Variants in KIAA0586 observed in about 807,000 individuals in gnomAD.
KIAA0586 encodes KIAA0586.
Under a neutral mutation model 169.8 loss-of-function variants are expected in KIAA0586, and 144 were observed. The observed-to-expected ratio is 0.85, with a 90% confidence interval of 0.74 to 0.97. KIAA0586 has a LOEUF of 0.97. Ranked by LOEUF, KIAA0586 falls within the 50% of genes least tolerant of loss-of-function variation. The pLI is 0.00. For synonymous variants in KIAA0586, 625 were observed against 612.4 expected (o/e 1.02, Z -0.30); for missense variants, 1,854 against 1,823.0 (o/e 1.02, Z -0.31).
intron 29 of KIAA0586, chr14:58,536,890 A>G: frequency 4.0e-6 from 1 of 252,602 alleles, no homozygotes; most frequent in Middle Eastern, 1.0e-3. Context: ...ATTTCTAGTC[A>G]GCATTGCTCA....
chr14:58,460,839 G>C (rs553775708), intron 13 of KIAA0586, 147 bp from the exon 14 acceptor site: 7 of 472,242 alleles, frequency 1.5e-5, no homozygotes, highest in Non-Finnish European at 2.5e-5. Context: ...CTGTTATCTA[G>C]AATTTAAGGG....
intron 29 of KIAA0586, among the ~76,000 whole-genome samples, chr14:58,512,921 A>C (rs1028976018): frequency 2.6e-5 from 4 of 152,026 alleles, no homozygotes; most frequent in Non-Finnish European, 5.9e-5. Context: ...TTTTATCTGT[A>C]TATAGGTCTG....
At chr14:58,459,805 T>C in intron 12 of KIAA0586, 38 bp from the exon 13 acceptor site, 2 of 1,115,972 alleles carry the variant, frequency 1.8e-6, no homozygotes, top group East Asian at 2.6e-5. Context: ...TTACTATTTG[T>C]AGACATTTTA....
upstream of KIAA0586, chr14:58,427,717 A>T (rs1420811620): frequency 2.0e-6 from 3 of 1,534,816 alleles, no homozygotes; most frequent in Non-Finnish European, 2.6e-6. Flanking sequence ...CGGGCAACTG[A>T]CGCTGTTGTC....
At chr14:58,557,719 A>C in the KIAA0586 span, among the ~76,000 whole-genome samples, 2 of 152,040 alleles carry the variant, frequency 1.3e-5, no homozygotes, top group African/African-American at 4.8e-5. Flanking sequence ...TCTCTCAGCC[A>C]AATTAATGCT....
chr14:58,501,291 A>G (rs1045225862), intron 27 of KIAA0586, among the ~76,000 whole-genome samples: 3 of 152,246 alleles, frequency 2.0e-5, no homozygotes, highest in Non-Finnish European at 4.4e-5. Context: ...CATTTTGTAC[A>G]CATAATGAGA....
At chr14:58,436,206 G>A (rs2037810217) in intron 4 of KIAA0586, among the ~76,000 whole-genome samples, 1 of 152,132 alleles carries the variant, frequency 6.6e-6, no homozygotes, top group African/African-American at 2.4e-5. Context: ...GTTATAATTT[G>A]TAGAAAATAT....
intron 24 of KIAA0586, 121 bp downstream of exon 24, chr14:58,488,995 AT>A: frequency 9.1e-7 from 1 of 1,101,944 alleles, no homozygotes; most frequent in South Asian, 1.6e-5. Flanking sequence ...AGTAGAAAGA[AT>A]AGGGGACTCA....
intron 4 of KIAA0586, among the ~76,000 whole-genome samples, chr14:58,441,664 C>T (rs767841691): frequency 2.6e-5 from 4 of 152,178 alleles, no homozygotes; most frequent in African/African-American, 7.2e-5. Flanking sequence ...GACAGAGTCT[C>T]GCTGTGTCAC....
At position 58,428,164 on chromosome 14, in the gene KIAA0586, AAC is replaced by A. The variant is rs1389105574; in HGVS notation, c.-99_-98del. The A allele has an allele frequency of 1.3e-6, 2 of 1,491,090 alleles. No homozygotes were observed. Among genetic ancestry groups the A allele is most frequent in the Non-Finnish European group, 1.8e-6 (2 of 1,123,652 alleles). 92.4% of individuals were successfully genotyped at this position (1,491,090 alleles called of 1,614,324 possible). On this transcript the variant is annotated 5_prime_UTR_variant, in exon 1 of 31. An upstream open reading frame in the 5' UTR loses its in-frame stop. Coordinates refer to ENST00000652326, the MANE Select transcript of KIAA0586 (RefSeq NM_001329943.3). ...CTTTGTGGATGTTCGACATTTTAAA[AAC>A]AGTTATTGCAAAGAGGTGAAAATTT...
At chr14:58,445,801 T>TTTG (rs2038842978) in intron 6 of KIAA0586, among the ~76,000 whole-genome samples, 2 of 150,130 alleles carry the variant, frequency 1.3e-5, no homozygotes, top group Admixed American at 6.7e-5. Flanking sequence ...TTTTTTTTTT[T>TTTG]GAGTGAGTGA....
intron 21 of KIAA0586, 141 bp downstream of exon 21, chr14:58,482,853 C>T (rs2042131869): frequency 1.7e-6 from 1 of 604,304 alleles, no homozygotes; most frequent in Non-Finnish European, 2.5e-6. Context: ...CCTGGCTGGT[C>T]TTGAAGTTCT....
intron 30 of KIAA0586, among the ~76,000 whole-genome samples, chr14:58,547,034 CATT>C (rs1342203078): frequency 6.6e-6 from 1 of 151,926 alleles, no homozygotes; most frequent in African/African-American, 2.4e-5. Flanking sequence ...CTCAGTAAAT[CATT>C]ATTAATGACA....
intron 14 of KIAA0586, among the ~76,000 whole-genome samples, chr14:58,464,877 A>C (rs2040615753): frequency 6.6e-6 from 1 of 152,126 alleles, no homozygotes; most frequent in South Asian, 2.1e-4. Flanking sequence ...GGACGGCATG[A>C]GATTTTATCG....
At chr14:58,483,632 T>C (rs1191606469) in intron 21 of KIAA0586, among the ~76,000 whole-genome samples, 2 of 152,174 alleles carry the variant, frequency 1.3e-5, no homozygotes, top group Non-Finnish European at 2.9e-5. Context: ...TGAACTGATA[T>C]TTTTAATCTT....
chr14:58,532,601 C>G (rs1354661371), intron 29 of KIAA0586, among the ~76,000 whole-genome samples: 1 of 152,118 alleles, frequency 6.6e-6, no homozygotes, highest in Non-Finnish European at 1.5e-5. Context: ...CAGGATCACT[C>G]TTTTATATAA....
At chr14:58,555,945 A>G (rs1391955825), downstream of KIAA0586, among the ~76,000 whole-genome samples, 3 of 152,222 alleles carry the variant, frequency 2.0e-5, no homozygotes, top group Non-Finnish European at 4.4e-5. Flanking sequence ...TAGCAAAGGC[A>G]TTGTCATTGG....
At position 58,456,742 on chromosome 14, in the gene KIAA0586, A is replaced by C. The variant is rs765826282; in HGVS notation, c.1294A>C (p.Met432Leu). 1.9e-6 allele frequency: 3 copies of C among 1,606,402 alleles called. No individual in the cohort carries two copies. Among genetic ancestry groups the C allele is most frequent in the African/African-American group, 1.3e-5 (1 of 74,852 alleles). Residue 432 changes from methionine to leucine, a missense_variant, in exon 10 of 31, where the codon ATG becomes CTG. Transcript: ENST00000652326. ...AGAGCTAGAAACAACTAAAGTGACT[A>C]TGCAGAAGTCTGATGATGTTCTTCA... ...CEELETTKVTMQKSDDVLHDL... is the reference protein window; with the variant it reads ...CEELETTKVTLQKSDDVLHDL...
intron 29 of KIAA0586, among the ~76,000 whole-genome samples, chr14:58,522,517 C>G (rs2045297661): frequency 6.6e-6 from 1 of 152,156 alleles, no homozygotes; most frequent in Non-Finnish European, 1.5e-5. Context: ...AATGCATCCT[C>G]TAGAAAAATA....
Sources: allele counts gnomAD v4.1 joint callset (sites outside exome capture counted in the v4.1 genomes callset), GRCh38; gene constraint gnomAD v4.1.1; transcripts MANE v1.5; gene names NCBI Gene and HGNC (gene_info 2026-07-23, HGNC 2026-07-21).